The following CTNNA1 variants were observed in gnomAD, a reference collection of about 807,000 sequenced individuals.
CTNNA1 encodes catenin alpha 1, also known as catenin alpha-1.
A neutral mutation model predicts 98.4 loss-of-function variants in CTNNA1; 37 were observed. The observed-to-expected ratio is 0.38, with a 90% CI of 0.29 to 0.49. The LOEUF (loss-of-function observed/expected upper bound fraction) is 0.49. Among genes scored for constraint, CTNNA1 ranks in the 20% least tolerant of loss-of-function variants. The pLI is 0.95. For missense variants in CTNNA1, 761 were observed against 1,147.2 expected (o/e 0.66, Z 4.86); for synonymous variants, 404 against 413.2 (o/e 0.98, Z 0.27).
chr5:138,930,693 T>TA, intron 15 of CTNNA1, 39 bp downstream of exon 15: 4 of 1,593,248 alleles, frequency 2.5e-6, no homozygotes, highest in Non-Finnish European at 3.4e-6. Context: ...GCACAGGGGC[T>TA]ACTTTCTTCC....
intron 1 of CTNNA1, among the ~76,000 whole-genome samples, chr5:138,758,265 G>A (rs547963887): frequency 1.3e-5 from 2 of 151,978 alleles, no homozygotes; most frequent in Non-Finnish European, 2.9e-5. Flanking sequence ...GCAGTGGTGC[G>A]ATCTTGGCTC....
intron 7 of CTNNA1, among the ~76,000 whole-genome samples, chr5:138,866,277 T>C (rs930391380): frequency 8.8e-5 from 5 of 56,818 alleles, no homozygotes; most frequent in East Asian, 6.2e-4. Flanking sequence ...GTAACTCATT[T>C]ATTTATTTAT....
intron 7 of CTNNA1, among the ~76,000 whole-genome samples, chr5:138,851,715 C>T (rs1264245853): frequency 1.3e-5 from 2 of 151,858 alleles, no homozygotes; most frequent in Non-Finnish European, 2.9e-5. Context: ...GCCGAGATTG[C>T]GCCACTGCAC....
intron 7 of CTNNA1, among the ~76,000 whole-genome samples, chr5:138,879,678 G>A (rs1489495307): frequency 2.6e-5 from 4 of 152,072 alleles, no homozygotes; most frequent in Admixed American, 6.6e-5. Context: ...GGCTGGTCTC[G>A]AACTCTTGGC....
chr5:138,852,954 T>C (rs565150383), intron 7 of CTNNA1, among the ~76,000 whole-genome samples: 8 of 152,164 alleles, frequency 5.3e-5, no homozygotes, highest in Non-Finnish European at 7.4e-5. Context: ...CATCATCTTA[T>C]TCATCAGTAA....
rs116150757 is a variant in CTNNA1 at position 138,808,085 on chromosome 5, C to T, written c.302-1953C>T. On this transcript the variant is annotated intron_variant, in intron 3 of 17. Transcript: ENST00000302763. Reference sequence around the variant, plus strand: ...ATTAATATATTTTTAAGGCAAATATCTCTTTCTGCATGGCTTTTCAGATAA... The same window carrying T: ...ATTAATATATTTTTAAGGCAAATATTTCTTTCTGCATGGCTTTTCAGATAA... Among the ~76,000 whole-genome samples the T allele has an allele frequency of 8.3e-3, 1,258 of 152,272 alleles. 8 individuals are homozygous for T. The highest frequency in any genetic ancestry group is 0.012 in the Non-Finnish European group (842 of 68,010).
At chr5:138,913,516 G>A (rs1013479378) in intron 10 of CTNNA1, among the ~76,000 whole-genome samples, 5 of 151,736 alleles carry the variant, frequency 3.3e-5, no homozygotes, top group East Asian at 1.9e-4. Flanking sequence ...CCCGGGAGGC[G>A]GAGGTTGCAG....
At chr5:138,758,346 C>T (rs879932116) in intron 1 of CTNNA1, among the ~76,000 whole-genome samples, 13 of 151,484 alleles carry the variant, frequency 8.6e-5, no homozygotes, top group Admixed American at 3.3e-4. Flanking sequence ...GGACTGCAGG[C>T]GCCTGCCACC....
rs1319559948 is a variant in CTNNA1, at chr5:138,934,740, CACTT to C, written c.*652_*655del. 6.6e-6 allele frequency: 1 copy of C among 152,636 alleles called. No homozygotes were observed. The highest frequency in any genetic ancestry group is 2.4e-5 in the African/African-American group (1 of 41,442). The allele number at this position is 152,636 out of a possible 1,614,324, so 9.5% of individuals were successfully genotyped here. On this transcript the variant is annotated 3_prime_UTR_variant, in exon 18 of 18. Transcript: ENST00000302763. ...GTGTCTCGATGCCATAATCAGAACA[CACTT>C]TTTTTCCTCTTTCTCCCAGCTTCAA... is the stretch of plus-strand genomic sequence containing the variant.
At chr5:138,789,745 C>T (rs1045679921) in intron 3 of CTNNA1, among the ~76,000 whole-genome samples, 3 of 152,068 alleles carry the variant, frequency 2.0e-5, no homozygotes, top group African/African-American at 4.8e-5. Context: ...CGTGAGCCAC[C>T]GCACCCGGCT....
chr5:138,813,194 A>G (rs1363374640), intron 5 of CTNNA1, among the ~76,000 whole-genome samples: 4 of 152,218 alleles, frequency 2.6e-5, no homozygotes, highest in African/African-American at 9.6e-5. Context: ...CAGGTTCTTG[A>G]TATTTTTCAT....
chr5:138,928,728 G>A (rs1174420439), intron 13 of CTNNA1, among the ~76,000 whole-genome samples: 2 of 152,210 alleles, frequency 1.3e-5, no homozygotes, highest in African/African-American at 4.8e-5. Context: ...GAGGTCAGGA[G>A]TTCAAGACCA....
intron 9 of CTNNA1, 122 bp from the exon 10 acceptor site, chr5:138,904,227 G>A: frequency 1.6e-6 from 2 of 1,214,948 alleles, no homozygotes; most frequent in East Asian, 5.1e-5. Flanking sequence ...GCTGTGAGAA[G>A]GGAGGCACCC....
rs1049733501 is a variant in CTNNA1, at chr5:138,874,710, T to C, written c.1063-11502T>C. On this transcript the variant is annotated intron_variant, in intron 7 of 17. Transcript: ENST00000302763. This position sits in a 1 kb window ranked among gnomAD's most constrained non-coding sequence, Gnocchi z 4.1. ...TTTACTGCAGAAAAATTAACCTTAT[T>C]GGTATGACTGGACCAAAACTTAAGC... 2.0e-5 allele frequency among the ~76,000 whole-genome samples: 3 copies of C among 152,224 alleles called. No individual in the cohort carries two copies. The highest frequency in any genetic ancestry group is 4.4e-5 in the Non-Finnish European group (3 of 68,032).
intron 3 of CTNNA1, among the ~76,000 whole-genome samples, chr5:138,789,299 T>C (rs1326149372): frequency 1.3e-5 from 2 of 152,104 alleles, no homozygotes; most frequent in Non-Finnish European, 2.9e-5. Context: ...CTAAAGGTAT[T>C]TGAGCTTGCA....
rs368296442 is a variant in CTNNA1, at chr5:138,886,971, T to C, written c.1144-519T>C. 1.8e-4 allele frequency among the ~76,000 whole-genome samples: 27 copies of C among 152,222 alleles called. No homozygotes were observed. The South Asian group carries it at 2.7e-3, about 15-fold the overall frequency. On this transcript the variant is annotated intron_variant, in intron 8 of 17. Coordinates refer to ENST00000302763, the MANE Select transcript of CTNNA1 (RefSeq NM_001903.5). ...GTCTGATATAAAACAAAATTAAAGA[T>C]AAAATATATCTTTATTCAATTTCCT...
chr5:138,785,637 C>T (rs1184713601), intron 3 of CTNNA1, among the ~76,000 whole-genome samples: 1 of 151,942 alleles, frequency 6.6e-6, no homozygotes. Context: ...CTTGGCTCAC[C>T]GCAACCTCCA....
intron 7 of CTNNA1, among the ~76,000 whole-genome samples, chr5:138,844,658 AG>A (rs896523022): frequency 9.9e-5 from 15 of 152,106 alleles, no homozygotes; most frequent in African/African-American, 3.6e-4. Flanking sequence ...GTTCTTTTTT[AG>A]GGGACGAAAG....
intron 7 of CTNNA1, among the ~76,000 whole-genome samples, chr5:138,868,483 A>G (rs1193312107): frequency 1.3e-5 from 2 of 152,136 alleles, no homozygotes; most frequent in East Asian, 1.9e-4. Flanking sequence ...ATGGACATCA[A>G]CCAACCCCCA....
Sources: allele counts gnomAD v4.1 joint callset (sites outside exome capture counted in the v4.1 genomes callset), GRCh38; gene constraint gnomAD v4.1.1; non-coding constraint Gnocchi (gnomAD v3.1); transcripts MANE v1.5; gene names NCBI Gene and HGNC (gene_info 2026-07-23, HGNC 2026-07-21).